The following SPTLC2 variants were observed in gnomAD, a reference collection of about 807,000 sequenced individuals.
SPTLC2 encodes the protein serine palmitoyltransferase 2.
In SPTLC2, 21 loss-of-function variants were observed where a neutral mutation model predicts 62.0. The ratio of observed to expected loss-of-function variants is 0.34; its 90% CI spans 0.24 to 0.49. The LOEUF (loss-of-function observed/expected upper bound fraction) is 0.49. Among genes scored for constraint, SPTLC2 ranks in the 20% least tolerant of loss-of-function variants. The pLI is 0.99. For synonymous variants in SPTLC2, 261 were observed against 261.8 expected (o/e 1.00, Z 0.03); for missense variants, 511 against 713.0 (o/e 0.72, Z 3.23).
chr14:77,565,146 G>A (rs2079637411), intron 5 of SPTLC2, among the ~76,000 whole-genome samples: 1 of 148,918 alleles, frequency 6.7e-6, no homozygotes, highest in African/African-American at 2.5e-5. Context: ...GGAGGCTGAG[G>A]CAGGAGAATT....
rs1242788479 is a variant in SPTLC2, at chr14:77,604,761, G to A, written c.133-7381C>T. 2.6e-5 allele frequency among the ~76,000 whole-genome samples: 4 copies of A among 151,664 alleles called. No homozygotes were observed. In the East Asian group the frequency reaches 7.7e-4, roughly 29 times the overall value. ...GCATGCCTGTAATCCCAGCTACTCG[G>A]GAGGCTGAGGCAGGAGAATTGCTTG... On this transcript the variant is annotated intron_variant, in intron 1 of 11. Coordinates refer to ENST00000216484, the MANE Select transcript of SPTLC2 (RefSeq NM_004863.4).
intron 2 of SPTLC2, among the ~76,000 whole-genome samples, chr14:77,591,730 G>GTATGTATC (rs372095112): frequency 9.9e-5 from 13 of 131,174 alleles, no homozygotes; most frequent in African/African-American, 3.6e-4. Flanking sequence ...ATGTATGTAT[G>GTATGTATC]TATTTATTTT....
intron 8 of SPTLC2, among the ~76,000 whole-genome samples, chr14:77,553,527 C>G (rs1422910293): frequency 6.6e-6 from 1 of 151,828 alleles, no homozygotes; most frequent in Non-Finnish European, 1.5e-5. Context: ...GTCAAGAGAT[C>G]GAGACCATCC....
chr14:77,550,361 G>A (rs1012973824), intron 9 of SPTLC2, among the ~76,000 whole-genome samples: 7 of 152,184 alleles, frequency 4.6e-5, no homozygotes, highest in Non-Finnish European at 1.0e-4. Flanking sequence ...GGTCACCTGA[G>A]GTCGGGAGTT....
At chr14:77,559,904 T>C (rs759122819) in intron 6 of SPTLC2, among the ~76,000 whole-genome samples, 2 of 151,194 alleles carry the variant, frequency 1.3e-5, no homozygotes, top group South Asian at 2.1e-4. Flanking sequence ...AAAATAATAA[T>C]AAAATAATGC....
At chr14:77,562,522 C>A (rs778731455) in intron 5 of SPTLC2, 33 bp from the exon 6 acceptor site, 1 of 1,577,474 alleles carries the variant, frequency 6.3e-7, no homozygotes, top group African/African-American at 1.3e-5. Context: ...AGGTAAGAAG[C>A]TGGAGGGGAA....
intron 2 of SPTLC2, among the ~76,000 whole-genome samples, chr14:77,582,709 T>C (rs2079758585): frequency 6.6e-6 from 1 of 152,138 alleles, no homozygotes; most frequent in Non-Finnish European, 1.5e-5. Flanking sequence ...TTTCCATCTC[T>C]CCTTAACAAG....
At chr14:77,517,688 G>T (rs1231802181) in intron 11 of SPTLC2, among the ~76,000 whole-genome samples, 2 of 152,164 alleles carry the variant, frequency 1.3e-5, no homozygotes, top group Non-Finnish European at 2.9e-5. Context: ...AAGAATGAGT[G>T]GCAGTCAGCC....
intron 9 of SPTLC2, among the ~76,000 whole-genome samples, chr14:77,550,008 A>ATG (rs1385446859): frequency 6.6e-6 from 1 of 152,224 alleles, no homozygotes; most frequent in Non-Finnish European, 1.5e-5. Context: ...TGCTAGCTGT[A>ATG]TGTATATATA....
At chr14:77,528,795 TTTTAC>T (rs980236753) in intron 9 of SPTLC2, among the ~76,000 whole-genome samples, 5 of 145,596 alleles carry the variant, frequency 3.4e-5, no homozygotes, top group African/African-American at 1.4e-4. Flanking sequence ...ACTGTCAATC[TTTTAC>T]TTTAATCATC....
intron 8 of SPTLC2, 37 bp downstream of exon 8, chr14:77,555,263 C>T (rs2079576323): frequency 6.2e-7 from 1 of 1,612,830 alleles, no homozygotes; most frequent in African/African-American, 1.3e-5. Flanking sequence ...TTGCCAGTGA[C>T]TTTATCTCTA....
intron 1 of SPTLC2, among the ~76,000 whole-genome samples, chr14:77,606,243 C>T (rs1267970542): frequency 1.3e-5 from 2 of 152,132 alleles, no homozygotes; most frequent in Admixed American, 6.5e-5. Context: ...GGCAGGAGAG[C>T]CGCTTGAACC....
intron 9 of SPTLC2, among the ~76,000 whole-genome samples, chr14:77,523,514 G>T (rs1458474300): frequency 6.6e-6 from 1 of 152,198 alleles, no homozygotes; most frequent in Non-Finnish European, 1.5e-5. Flanking sequence ...GAGATCTGCT[G>T]AAGGGTCCCT....
At chr14:77,517,683 T>C (rs897896723) in intron 11 of SPTLC2, among the ~76,000 whole-genome samples, 3 of 152,096 alleles carry the variant, frequency 2.0e-5, no homozygotes, top group African/African-American at 7.2e-5. Flanking sequence ...ATGTGAAGAA[T>C]GAGTGGCAGT....
Position 77,612,267 on chromosome 14 carries a change from G to A in SPTLC2, c.132+4181C>T, listed in dbSNP as rs149801724. Among the ~76,000 whole-genome samples, 104 of 152,238 alleles carry A rather than the reference G, an allele frequency of 6.8e-4. 1 individual carries two copies. The highest frequency in any genetic ancestry group is 9.3e-4 in the Non-Finnish European group (63 of 68,018). On this transcript the variant is annotated intron_variant, in intron 1 of 11. Transcript: ENST00000216484. ...ACCAATTAACTGTCTTGCTCAAAGCGGTGCAAATTTCTATGGCACATGGGC... is the reference window on the plus strand; with the variant it reads ...ACCAATTAACTGTCTTGCTCAAAGCAGTGCAAATTTCTATGGCACATGGGC...
In SPTLC2 at chr14:77,562,502, A is replaced by G; in HGVS notation, c.757-13T>C. ...GAATCAGGCAACCCTGCAACATCAC[A>G]GGAACAGAAAGGTAAGAAGCTGGAG... On this transcript the variant is annotated splice_polypyrimidine_tract_variant and intron_variant, in intron 5 of 11. Transcript: ENST00000216484. 6.2e-7 allele frequency: 1 copy of G among 1,609,094 alleles called. No homozygotes were observed. The highest frequency in any genetic ancestry group is 8.5e-7 in the Non-Finnish European group (1 of 1,175,406).
In SPTLC2 at chr14:77,506,835, AC is replaced by A; in HGVS notation, c.*5448del. 1 of 152,332 alleles carries A rather than the reference AC, an allele frequency of 6.6e-6. No individual in the cohort carries two copies. Among genetic ancestry groups the A allele is most frequent in the East Asian group, 1.9e-4 (1 of 5,188 alleles). The allele number at this position is 152,332 out of a possible 1,614,324, so 9.4% of individuals were successfully genotyped here. On this transcript the variant is annotated 3_prime_UTR_variant, in exon 12 of 12. Coordinates refer to ENST00000216484, the MANE Select transcript of SPTLC2 (RefSeq NM_004863.4). ...AGATCAAGGTACTGCTCTTATCTGC[AC>A]CTTTCATTCAAGCTCCCCTCAAGTG...
At chr14:77,547,400 C>T (rs544696920) in intron 9 of SPTLC2, among the ~76,000 whole-genome samples, 2 of 152,276 alleles carry the variant, frequency 1.3e-5, no homozygotes, top group African/African-American at 4.8e-5. Context: ...CGTTCTTGGG[C>T]TCAGGAAGTA....
intron 2 of SPTLC2, among the ~76,000 whole-genome samples, chr14:77,588,564 C>A (rs1392777381): frequency 1.3e-5 from 2 of 151,544 alleles, no homozygotes; most frequent in Non-Finnish European, 2.9e-5. Context: ...GTTGTGGTAG[C>A]GTGCGCCTCT....
Sources: gnomAD v4.1 joint callset for allele counts (sites outside exome capture counted in the v4.1 genomes callset) on GRCh38, gnomAD v4.1.1 for gene constraint, MANE v1.5 for transcripts, NCBI Gene and HGNC (gene_info 2026-07-23, HGNC 2026-07-21) for gene names.